Variants in SIPA1L1 observed in about 807,000 individuals in gnomAD.
SIPA1L1 encodes the protein signal-induced proliferation-associated 1-like protein 1.
Under a neutral mutation model 162.7 loss-of-function variants are expected in SIPA1L1, and 26 were observed. The ratio of observed to expected loss-of-function variants is 0.16; its 90% CI spans 0.12 to 0.22. The LOEUF (loss-of-function observed/expected upper bound fraction) is 0.22, where lower values mean the gene tolerates loss of function less well. SIPA1L1 is among the 10% of genes least tolerant of loss of function. SIPA1L1 has a pLI of 1.00. For synonymous variants in SIPA1L1, 829 were observed against 837.4 expected (o/e 0.99, Z 0.17); for missense variants, 1,874 against 2,241.0 (o/e 0.84, Z 3.31).
intron 2 of SIPA1L1, among the ~76,000 whole-genome samples, chr14:71,409,294 A>AT (rs888539981): frequency 6.6e-5 from 10 of 151,730 alleles, no homozygotes; most frequent in African/African-American, 2.4e-4. Flanking sequence ...GGGGTTGAAG[A>AT]TTTTTTTTCC....
chr14:71,544,100 C>CGCACGTGTATGTATATACACACACA (rs1400761157), intron 4 of SIPA1L1, among the ~76,000 whole-genome samples: 181 of 149,142 alleles, frequency 1.2e-3, no homozygotes, highest in Non-Finnish European at 2.2e-3. Flanking sequence ...TACACACGCA[C>CGCACGTGTATGTATATACACACACA]ATGTATGTAT....
chr14:71,601,964 T>C (rs756727354), intron 5 of SIPA1L1, among the ~76,000 whole-genome samples: 3 of 152,050 alleles, frequency 2.0e-5, no homozygotes, highest in Non-Finnish European at 4.4e-5. Flanking sequence ...TTTTCTTGGT[T>C]ATCCTACCAA....
intron 2 of SIPA1L1, chr14:71,416,245 A>G (rs1180159306): frequency 6.6e-6 from 1 of 152,234 alleles, no homozygotes; most frequent in Non-Finnish European, 1.5e-5. Flanking sequence ...AATCTAACAC[A>G]TGCCTAAAAA....
chr14:71,663,121 G>A (rs1329033901), intron 10 of SIPA1L1, among the ~76,000 whole-genome samples: 1 of 152,162 alleles, frequency 6.6e-6, no homozygotes, highest in East Asian at 1.9e-4. Flanking sequence ...TTAATAGCCA[G>A]ATTTTTTTAA....
chr14:71,707,672 G>C lies in SIPA1L1; in HGVS notation c.3766-1550G>C, dbSNP rs528593475. 5.3e-5 allele frequency among the ~76,000 whole-genome samples: 8 copies of C among 152,026 alleles called. No individual in the cohort carries two copies. In the East Asian group the frequency reaches 1.5e-3, roughly 29 times the overall value. On this transcript the variant is annotated intron_variant, in intron 16 of 23. Transcript: ENST00000381232. ...ATAGCTGAATAATATTCCATTTTAC[G>C]GATATACCCTATTTTTTAATCCATA...
chr14:71,615,987 C>T (rs572278774), intron 5 of SIPA1L1, among the ~76,000 whole-genome samples: 3 of 152,238 alleles, frequency 2.0e-5, no homozygotes, highest in African/African-American at 4.8e-5. Context: ...CAGAGTGAGA[C>T]TCTGTCTCAA....
At chr14:71,665,832 C>T (rs2043951449) in intron 10 of SIPA1L1, among the ~76,000 whole-genome samples, 1 of 152,046 alleles carries the variant, frequency 6.6e-6, no homozygotes, top group Non-Finnish European at 1.5e-5. Flanking sequence ...AAATTAGGCA[C>T]AGTAATATAT....
chr14:71,406,893 T>C (rs559523339), intron 2 of SIPA1L1, among the ~76,000 whole-genome samples: 1 of 152,350 alleles, frequency 6.6e-6, no homozygotes, highest in Non-Finnish European at 1.5e-5. Flanking sequence ...TAACTTCTTA[T>C]CTTTATAATG....
chr14:71,695,386 G>C (rs774522202), intron 13 of SIPA1L1, among the ~76,000 whole-genome samples: 2 of 152,104 alleles, frequency 1.3e-5, no homozygotes, highest in Non-Finnish European at 2.9e-5. Context: ...CTATTTTTTC[G>C]CTTTGGGATA....
intron 17 of SIPA1L1, among the ~76,000 whole-genome samples, chr14:71,721,421 C>T (rs1182125161): frequency 6.6e-6 from 1 of 152,166 alleles, no homozygotes. Context: ...ACCCAAGGCC[C>T]GTGGTGACTG....
At chr14:71,579,154 T>C (rs1218985175) in intron 4 of SIPA1L1, among the ~76,000 whole-genome samples, 4 of 152,248 alleles carry the variant, frequency 2.6e-5, no homozygotes, top group African/African-American at 9.6e-5. Flanking sequence ...GCACCGTTTA[T>C]GATCTTTCTG....
intron 2 of SIPA1L1, among the ~76,000 whole-genome samples, chr14:71,457,023 C>G (rs1436930526): frequency 6.6e-6 from 1 of 152,198 alleles, no homozygotes; most frequent in East Asian, 1.9e-4. Context: ...CTCAAGCAAT[C>G]CTACTGCCTT....
intron 2 of SIPA1L1, among the ~76,000 whole-genome samples, chr14:71,446,488 G>A (rs2045352541): frequency 6.6e-6 from 1 of 152,086 alleles, no homozygotes; most frequent in Non-Finnish European, 1.5e-5. Flanking sequence ...GATCGCTTGA[G>A]CCCAGGAGTT....
chr14:71,647,385 A>G (rs1392259043), intron 7 of SIPA1L1, among the ~76,000 whole-genome samples: 1 of 151,554 alleles, frequency 6.6e-6, no homozygotes, highest in Non-Finnish European at 1.5e-5. Flanking sequence ...TTTCTGCAGG[A>G]AACTTTTTTT....
intron 2 of SIPA1L1, among the ~76,000 whole-genome samples, chr14:71,464,860 C>T (rs930287604): frequency 3.9e-5 from 6 of 152,178 alleles, no homozygotes; most frequent in Admixed American, 6.5e-5. Flanking sequence ...GGGTCACACT[C>T]TCAACCTCAC....
intron 2 of SIPA1L1, among the ~76,000 whole-genome samples, chr14:71,502,257 T>TA (rs1262334386): frequency 1.1e-5 from 1 of 94,952 alleles, no homozygotes; most frequent in Non-Finnish European, 2.4e-5. Flanking sequence ...AAAAAAAAAA[T>TA]ATATATATAT....
At chr14:71,574,934 A>G (rs2032758927) in intron 4 of SIPA1L1, 1 of 151,268 alleles carries the variant, frequency 6.6e-6, no homozygotes, top group African/African-American at 2.5e-5. Flanking sequence ...GCATATGTGC[A>G]TAGTTTTTAA....
intron 4 of SIPA1L1, among the ~76,000 whole-genome samples, chr14:71,564,369 T>C (rs988162332): frequency 2.7e-4 from 41 of 151,104 alleles, no homozygotes; most frequent in Non-Finnish European, 3.7e-4. Flanking sequence ...TTTTCTTCTT[T>C]TTTTTTTTTT....
chr14:71,673,602 T>C (rs1412668964), intron 12 of SIPA1L1, among the ~76,000 whole-genome samples: 3 of 152,158 alleles, frequency 2.0e-5, no homozygotes, highest in African/African-American at 4.8e-5. Flanking sequence ...TGTGTGTGTG[T>C]GCGTGTGTGT....
Sources: allele counts gnomAD v4.1 joint callset (sites outside exome capture counted in the v4.1 genomes callset), GRCh38; gene constraint gnomAD v4.1.1; transcripts MANE v1.5; gene names NCBI Gene and HGNC (gene_info 2026-07-23, HGNC 2026-07-21).